The following SP4 variants were observed in gnomAD, a reference collection of about 807,000 sequenced individuals.
The protein encoded by SP4 is transcription factor Sp4.
A neutral mutation model predicts 72.8 loss-of-function variants in SP4; 19 were observed. The observed-to-expected ratio is 0.26, with a 90% confidence interval of 0.18 to 0.38. The LOEUF (loss-of-function observed/expected upper bound fraction) is 0.38. Among genes scored for constraint, SP4 ranks in the 10% least tolerant of loss-of-function variants. The pLI is 1.00. For missense variants in SP4, 1,008 were observed against 926.3 expected (o/e 1.09, Z -1.14); for synonymous variants, 395 against 333.1 (o/e 1.19, Z -2.02).
intron 4 of SP4, among the ~76,000 whole-genome samples, chr7:21,480,462 C>T (rs773453602): frequency 3.9e-5 from 6 of 151,976 alleles, no homozygotes; most frequent in Non-Finnish European, 8.8e-5. Context: ...TATTTTGGTC[C>T]GTATTTTTCT....
intron 3 of SP4, among the ~76,000 whole-genome samples, chr7:21,461,397 G>A (rs1262950137): frequency 2.6e-5 from 4 of 152,210 alleles, no homozygotes; most frequent in South Asian, 2.1e-4. Context: ...AGGCAGCTAA[G>A]GCCTGGCGAG....
chr7:21,439,410 G>A (rs902581678), intron 3 of SP4, among the ~76,000 whole-genome samples: 3 of 152,052 alleles, frequency 2.0e-5, no homozygotes, highest in East Asian at 1.9e-4. Flanking sequence ...GTATAGTGGC[G>A]AAGGCAGGGC....
intron 5 of SP4, among the ~76,000 whole-genome samples, chr7:21,488,513 C>G (rs1339235468): frequency 6.8e-6 from 1 of 146,668 alleles, no homozygotes; most frequent in Non-Finnish European, 1.5e-5. Context: ...AGATTTAACC[C>G]TTTTATGCCT....
At chr7:21,493,985 C>T (rs1442752527) in intron 5 of SP4, among the ~76,000 whole-genome samples, 3 of 152,058 alleles carry the variant, frequency 2.0e-5, no homozygotes, top group Admixed American at 1.3e-4. Flanking sequence ...GAATGAAAAG[C>T]TGTTTGAATA....
chr7:21,441,926 T>G (rs920423842), intron 3 of SP4, among the ~76,000 whole-genome samples: 1 of 152,128 alleles, frequency 6.6e-6, no homozygotes, highest in South Asian at 2.1e-4. Context: ...TTATCTGTTG[T>G]GGGAGACACA....
chr7:21,483,213 A>G (rs144959590), intron 5 of SP4, among the ~76,000 whole-genome samples: 231 of 152,058 alleles, frequency 1.5e-3, no homozygotes, highest in Non-Finnish European at 2.7e-3. Context: ...TCATATGTAT[A>G]TTAGTCATTT....
At chr7:21,461,146 C>T (rs763645168) in intron 3 of SP4, among the ~76,000 whole-genome samples, 10 of 152,354 alleles carry the variant, frequency 6.6e-5, no homozygotes, top group African/African-American at 9.6e-5. Context: ...CAGTGGATTT[C>T]GCACCAGGGC....
chr7:21,506,679 A>G (rs1033778096), intron 5 of SP4, among the ~76,000 whole-genome samples: 9 of 152,084 alleles, frequency 5.9e-5, no homozygotes, highest in Non-Finnish European at 1.2e-4. Flanking sequence ...TTCTCTTTCC[A>G]TCCATCAATC....
At chr7:21,493,742 C>T (rs1785037432) in intron 5 of SP4, among the ~76,000 whole-genome samples, 1 of 152,108 alleles carries the variant, frequency 6.6e-6, no homozygotes, top group African/African-American at 2.4e-5. Context: ...CGTATGGTTT[C>T]ATTGACAAAT....
chr7:21,428,990 A>C, intron 2 of SP4, 198 bp downstream of exon 2: 1 of 593,168 alleles, frequency 1.7e-6, no homozygotes, highest in Non-Finnish European at 3.0e-6. Context: ...TTACATCAGG[A>C]ATTCAGACTA....
chr7:21,475,961 A>G (rs1784487783), intron 3 of SP4, among the ~76,000 whole-genome samples: 1 of 152,126 alleles, frequency 6.6e-6, no homozygotes, highest in Non-Finnish European at 1.5e-5. Flanking sequence ...GAACTGTGTG[A>G]AAGAAAAGAT....
In SP4 at chr7:21,434,674, T is replaced by C. The variant is rs116632765; in HGVS notation, c.1678+3831T>C. Among the ~76,000 whole-genome samples the C allele has an allele frequency of 9.5e-3, 1,444 of 152,030 alleles. 29 individuals carry two copies. Among genetic ancestry groups the C allele is most frequent in the African/African-American group, 0.033 (1,391 of 41,548 alleles). ...TGTGTTACATGGATATATTGCATAG[T>C]GGAGAAGTCTGGGATTTTAGTGTAC... is the stretch of plus-strand genomic sequence containing the variant. On this transcript the variant is annotated intron_variant, in intron 3 of 5. Coordinates refer to ENST00000222584, the MANE Select transcript of SP4 (RefSeq NM_003112.5).
At chr7:21,452,613 ACCAGTTTCT>A (rs1242399603) in intron 3 of SP4, among the ~76,000 whole-genome samples, 1 of 152,168 alleles carries the variant, frequency 6.6e-6, no homozygotes, top group Non-Finnish European at 1.5e-5. Context: ...TGGTAAAATA[ACCAGTTTCT>A]CCAATTGTGT....
chr7:21,449,040 C>T (rs1783508298), intron 3 of SP4, among the ~76,000 whole-genome samples: 1 of 152,132 alleles, frequency 6.6e-6, no homozygotes, highest in Non-Finnish European at 1.5e-5. Flanking sequence ...AAACACACAC[C>T]AACCAATCCA....
At chr7:21,506,495 T>C (rs906272179) in intron 5 of SP4, among the ~76,000 whole-genome samples, 8 of 152,210 alleles carry the variant, frequency 5.3e-5, no homozygotes, top group African/African-American at 1.9e-4. Flanking sequence ...TTCCCTTCTT[T>C]CTTTGTGTTG....
intron 3 of SP4, chr7:21,471,253 T>C: frequency 2.7e-6 from 1 of 371,924 alleles, no homozygotes; most frequent in Non-Finnish European, 5.6e-6. Flanking sequence ...CCCATTGGCT[T>C]TTTGGGGAGC....
intron 5 of SP4, among the ~76,000 whole-genome samples, chr7:21,487,763 TGGTG>T (rs1483300852): frequency 7.4e-5 from 1 of 13,592 alleles, no homozygotes; most frequent in Non-Finnish European, 1.2e-4. Context: ...ATGATGATGA[TGGTG>T]GTGGTGGTGG....
At chr7:21,488,263 T>G (rs1784875796) in intron 5 of SP4, among the ~76,000 whole-genome samples, 2 of 152,208 alleles carry the variant, frequency 1.3e-5, no homozygotes, top group Non-Finnish European at 2.9e-5. Context: ...CAACCATGTT[T>G]TTTTAAGATA....
chr7:21,477,046 A>G (rs991813927), intron 3 of SP4, 33 bp from the exon 4 acceptor site: 1 of 1,538,546 alleles, frequency 6.5e-7, no homozygotes, highest in East Asian at 2.3e-5. Flanking sequence ...TGTAGAAAAC[A>G]TTACAATACT....
Sources: allele counts gnomAD v4.1 joint callset (sites outside exome capture counted in the v4.1 genomes callset), GRCh38; gene constraint gnomAD v4.1.1; transcripts MANE v1.5; gene names NCBI Gene and HGNC (gene_info 2026-07-23, HGNC 2026-07-21).